KDM2B: variants seen among roughly 807,000 people sequenced by gnomAD.
KDM2B encodes lysine-specific demethylase 2B.
KDM2B carries 26 observed loss-of-function variants against 150.0 expected under a neutral mutation model. That is an observed-to-expected ratio of 0.17 (90% confidence interval 0.13 to 0.24). The LOEUF (loss-of-function observed/expected upper bound fraction) is 0.24, where lower values mean the gene tolerates loss of function less well. Ranked by LOEUF, KDM2B falls within the 10% of genes least tolerant of loss-of-function variation. The pLI is 1.00. For synonymous variants in KDM2B, 734 were observed against 729.5 expected, an observed-to-expected ratio of 1.01 and a Z score of -0.10; for missense variants, 1,265 against 1,816.9, an observed-to-expected ratio of 0.70 and a Z score of 5.52.
chr12:121,540,382 C>A (rs1555309535), intron 6 of KDM2B, among the ~76,000 whole-genome samples: 2 of 152,038 alleles, frequency 1.3e-5, no homozygotes, highest in African/African-American at 4.8e-5. Context: ...GAGAGTAGGT[C>A]TTGAGGTTAA....
chr12:121,424,552 C>T (rs1335747908), downstream of KDM2B, among the ~76,000 whole-genome samples: 1 of 151,774 alleles, frequency 6.6e-6, no homozygotes, highest in Non-Finnish European at 1.5e-5. Context: ...GACAACATGG[C>T]GAAACCCTGT....
chr12:121,443,652 C>T, intron 17 of KDM2B, 28 bp downstream of exon 17: 1 of 1,443,298 alleles, frequency 6.9e-7, no homozygotes, highest in African/African-American at 1.4e-5. Flanking sequence ...TCCCCGGGGC[C>T]TCAGGAGGGC....
At chr12:121,515,581 A>T (rs548358265) in intron 9 of KDM2B, among the ~76,000 whole-genome samples, 1 of 141,228 alleles carries the variant, frequency 7.1e-6, no homozygotes, top group South Asian at 2.3e-4. Flanking sequence ...TAAACAGGTG[A>T]CATTCCCCAT....
chr12:121,451,830 T>A (rs574406485), intron 13 of KDM2B, among the ~76,000 whole-genome samples: 1 of 152,126 alleles, frequency 6.6e-6, no homozygotes, highest in African/African-American at 2.4e-5. Context: ...GAGAATCGCT[T>A]GAACCCAGGA....
rs1483487627 is a variant in KDM2B, at chr12:121,467,203, C to T, written c.1735-13859G>A. 2 of 1,103,838 alleles carry T rather than the reference C, an allele frequency of 1.8e-6. No individual in the cohort carries two copies. The highest frequency in any genetic ancestry group is 1.9e-5 in the South Asian group (1 of 52,298). 68.4% of individuals were successfully genotyped at this position (1,103,838 alleles called of 1,614,324 possible). ...AGTCGTCGTCCTCGGCGCTCACGGACATGGCCATGGCTCATGGTGGGCCCA... is the reference window on the plus strand; with the variant it reads ...AGTCGTCGTCCTCGGCGCTCACGGATATGGCCATGGCTCATGGTGGGCCCA... On this transcript the variant is annotated intron_variant, in intron 12 of 22. Transcript: ENST00000377071. This position sits in a 1 kb window ranked among gnomAD's most constrained non-coding sequence, Gnocchi z 5.1.
chr12:121,454,107 C>G (rs181210698), intron 12 of KDM2B, among the ~76,000 whole-genome samples: 1 of 152,118 alleles, frequency 6.6e-6, no homozygotes, highest in East Asian at 1.9e-4. Flanking sequence ...GCCCCTACTG[C>G]CCACCTGCAC....
chr12:121,421,051 C>A, the KDM2B span, among the ~76,000 whole-genome samples: 1 of 151,956 alleles, frequency 6.6e-6, no homozygotes, highest in Non-Finnish European at 1.5e-5. Flanking sequence ...TTGTTACAAC[C>A]CTAATTAAAT....
intron 7 of KDM2B, among the ~76,000 whole-genome samples, 183 bp downstream of exon 7, chr12:121,534,314 A>T (rs1392627491): frequency 1.3e-5 from 2 of 150,498 alleles, no homozygotes; most frequent in Non-Finnish European, 3.0e-5. Flanking sequence ...GCACCACTGC[A>T]CTCCAGCCTG....
At chr12:121,485,718 C>A (rs1348077899) in intron 12 of KDM2B, among the ~76,000 whole-genome samples, 1 of 151,792 alleles carries the variant, frequency 6.6e-6, no homozygotes, top group Non-Finnish European at 1.5e-5. Flanking sequence ...GTGATGGCTG[C>A]ACAACACGTT....
chr12:121,523,458 T>C (rs1886865317), intron 8 of KDM2B, among the ~76,000 whole-genome samples: 1 of 152,192 alleles, frequency 6.6e-6, no homozygotes, highest in Non-Finnish European at 1.5e-5. Flanking sequence ...CTCCCAGCCA[T>C]GCACTTTATT....
At position 121,471,525 on chromosome 12, in the gene KDM2B, G is replaced by A. The variant is rs112675077; in HGVS notation, c.1735-18181C>T. ...TCAGCCGTGTCAGGCAATGTGCAAA[G>A]GTGAAGGGAGGAGGGAAAACAGGAA... On this transcript the variant is annotated intron_variant, in intron 12 of 22. Coordinates refer to ENST00000377071, the MANE Select transcript of KDM2B (RefSeq NM_032590.5). Among the ~76,000 whole-genome samples the A allele has an allele frequency of 8.5e-3, 1,292 of 152,254 alleles. 6 individuals are homozygous for A. The highest frequency in any genetic ancestry group is 0.017 in the Middle Eastern group (5 of 292).
At chr12:121,411,983 A>G in the KDM2B span, among the ~76,000 whole-genome samples, 1 of 152,236 alleles carries the variant, frequency 6.6e-6, no homozygotes, top group African/African-American at 2.4e-5. Context: ...ATTTTTTAGA[A>G]CAAAGTTTTT....
intron 4 of KDM2B, among the ~76,000 whole-genome samples, chr12:121,550,640 T>A (rs926461138): frequency 2.0e-5 from 3 of 152,156 alleles, no homozygotes; most frequent in Non-Finnish European, 4.4e-5. Context: ...ATTACAGGCA[T>A]GTGCTACCAC....
chr12:121,419,028 G>A, the KDM2B span, among the ~76,000 whole-genome samples: 1 of 152,144 alleles, frequency 6.6e-6, no homozygotes, highest in Admixed American at 6.5e-5. Flanking sequence ...ATTAGTAAAT[G>A]AATAAATGCA....
intron 6 of KDM2B, among the ~76,000 whole-genome samples, chr12:121,546,998 CCT>C (rs1889105772): frequency 6.6e-6 from 1 of 151,934 alleles, no homozygotes; most frequent in Non-Finnish European, 1.5e-5. Flanking sequence ...CACCTGGCCT[CCT>C]CTGTCATTTG....
At chr12:121,485,997 G>A (rs975322520) in intron 12 of KDM2B, among the ~76,000 whole-genome samples, 2 of 151,778 alleles carry the variant, frequency 1.3e-5, no homozygotes, top group Admixed American at 1.3e-4. Flanking sequence ...GGCTGATCTC[G>A]AACTCCTGAT....
chr12:121,443,179 G>A (rs917148896), intron 17 of KDM2B, 149 bp from the exon 18 acceptor site: 214 of 715,666 alleles, frequency 3.0e-4, no homozygotes, highest in Middle Eastern at 2.2e-3. Flanking sequence ...ACGTCTGACC[G>A]ACAGACGGGC....
intron 11 of KDM2B, among the ~76,000 whole-genome samples, 170 bp downstream of exon 11, chr12:121,509,397 C>T (rs564690210): frequency 1.3e-5 from 2 of 152,042 alleles, no homozygotes; most frequent in East Asian, 3.9e-4. Flanking sequence ...GCTTGGACAC[C>T]CTACATAGGC....
the KDM2B span, chr12:121,420,682 C>T: frequency 3.2e-5 from 51 of 1,613,820 alleles, no homozygotes; most frequent in Non-Finnish European, 3.8e-5. Context: ...AATTCTGGCT[C>T]GGAATTTTGT....
Sources: allele counts gnomAD v4.1 joint callset (sites outside exome capture counted in the v4.1 genomes callset), GRCh38; gene constraint gnomAD v4.1.1; non-coding constraint Gnocchi (gnomAD v3.1); transcripts MANE v1.5; gene names NCBI Gene and HGNC (gene_info 2026-07-23, HGNC 2026-07-21).